OR5D14: variants seen among roughly 807,000 people sequenced by gnomAD.
The protein encoded by OR5D14 is olfactory receptor family 5 subfamily D member 14, also known as olfactory receptor 5D14.
For missense variants in OR5D14, 466 were observed against 375.5 expected, an observed-to-expected ratio of 1.24 and a Z score of -1.99; for synonymous variants, 187 against 138.2, an observed-to-expected ratio of 1.35 and a Z score of -2.48.
chr11:55,795,833 G>C lies in OR5D14; in HGVS notation c.278G>C (p.Ser93Thr). 6.2e-7 allele frequency: 1 copy of C among 1,613,926 alleles called. No homozygotes were observed. The highest frequency in any genetic ancestry group is 1.3e-5 in the African/African-American group (1 of 74,920). The change falls in exon 1 of 1, where the codon AGC (serine) becomes ACC (threonine). Residue 93 changes from serine to threonine, a missense_variant. Physicochemically the swap from Ser to Thr is moderately conservative, Grantham distance 58 (BLOSUM62 1). Coordinates refer to ENST00000335605, the MANE Select transcript of OR5D14 (RefSeq NM_001004735.1). The stretch of plus-strand genomic sequence containing the variant: ...GAGAACTTGGTAATGGCAGATAAAA[G>C]CATCTTCTACTTTAGCTGCATGATG... ...LLENLVMADK[S>T]IFYFSCMMQY...
At position 55,796,370 on chromosome 11, in the gene OR5D14, C is replaced by A. The variant is rs61896310; in HGVS notation, c.815C>A (p.Thr272Lys). The change falls in exon 1 of 1, where the codon ACA (threonine) becomes AAA (lysine). Residue 272 changes from threonine to lysine, a missense_variant. Thr to Lys is a moderately conservative substitution (Grantham distance 78). Transcript: ENST00000335605. ...CCCAACTCCAAAAACTCTCGGCAAACAGTCAAAGTGGCCTCTGTATTTTAC... is the reference window on the plus strand; with the variant it reads ...CCCAACTCCAAAAACTCTCGGCAAAAAGTCAAAGTGGCCTCTGTATTTTAC... ...CVPNSKNSRQTVKVASVFYTV... is the reference protein window; with the variant it reads ...CVPNSKNSRQKVKVASVFYTV... 0.057 allele frequency: 91,402 copies of A among 1,613,610 alleles called. 2,995 individuals are homozygous for A. Among genetic ancestry groups the A allele is most frequent in the Non-Finnish European group, 0.064 (75,662 of 1,179,664 alleles).
In OR5D14 at chr11:55,795,888, G is replaced by A. The variant is rs1853518980; in HGVS notation, c.333G>A (p.Val111=). The part of the protein sequence containing the change: ...MQYFLSCTAV[V]TESFLLAVMA... Reference sequence around the variant, plus strand: ...ACTTCCTGTCCTGCACTGCTGTGGTGACAGAGTCTTTCTTGCTGGCAGTGA... The same window carrying A: ...ACTTCCTGTCCTGCACTGCTGTGGTAACAGAGTCTTTCTTGCTGGCAGTGA... Residue 111 remains valine, a synonymous_variant, in exon 1 of 1, where the codon GTG becomes GTA. Coordinates refer to ENST00000335605, the MANE Select transcript of OR5D14 (RefSeq NM_001004735.1). 6.2e-7 allele frequency: 1 copy of A among 1,613,912 alleles called. No homozygotes were observed. Among genetic ancestry groups the A allele is most frequent in the Non-Finnish European group, 8.5e-7 (1 of 1,179,984 alleles).
rs1452293721 is a variant in OR5D14, at chr11:55,795,899, T to C, written c.344T>C (p.Phe115Ser). The C allele has an allele frequency of 1.2e-6, 2 of 1,613,948 alleles. No individual in the cohort carries two copies. Among genetic ancestry groups the C allele is most frequent in the Admixed American group, 3.3e-5 (2 of 59,974 alleles). ...TGCACTGCTGTGGTGACAGAGTCTT[T>C]CTTGCTGGCAGTGATGGCCTATGAC... Reference protein sequence around the residue: ...LSCTAVVTESFLLAVMAYDRF... With the variant: ...LSCTAVVTESSLLAVMAYDRF... Residue 115 changes from phenylalanine to serine, a missense_variant, in exon 1 of 1, where the codon TTC becomes TCC. Physicochemically the swap from Phe to Ser is radical, Grantham distance 155. Coordinates refer to ENST00000335605, the MANE Select transcript of OR5D14 (RefSeq NM_001004735.1).
rs143217942 is a variant in OR5D14, at chr11:55,796,470, G to A, written c.915G>A (p.Lys305=). Residue 305 remains lysine (K), a synonymous_variant, in exon 1 of 1, where the codon AAG becomes AAA. Transcript: ENST00000335605. ...RNKDVKDAFW[K]LIHTQVPFH ...AAGACGTGAAGGATGCTTTCTGGAA[G>A]TTAATACATACACAAGTTCCATTTC... is the stretch of plus-strand genomic sequence containing the variant. The A allele has an allele frequency of 4.6e-5, 74 of 1,607,402 alleles. No individual in the cohort carries two copies. The highest frequency in any genetic ancestry group is 3.3e-4 in the Middle Eastern group (2 of 6,036).
At position 55,795,759 on chromosome 11, in the gene OR5D14, C is replaced by G; in HGVS notation, c.204C>G (p.Leu68=). ...CTATGTACTTTTTCCTTAGTCACCT[C>G]TCTTTTGTTGATTTTTGTTACTCTT... is the stretch of plus-strand genomic sequence containing the variant. The part of the protein sequence containing the change: ...HTPMYFFLSH[L]SFVDFCYSSI... The change falls in exon 1 of 1, where the codon CTC becomes CTG. Residue 68 remains leucine (L), a synonymous_variant. Coordinates refer to ENST00000335605, the MANE Select transcript of OR5D14 (RefSeq NM_001004735.1). 6.2e-7 allele frequency: 1 copy of G among 1,613,400 alleles called. No homozygotes were observed.
rs1269527773 is a variant in OR5D14 at position 55,795,894 on chromosome 11, G to A, written c.339G>A (p.Glu113=). The A allele has an allele frequency of 4.3e-6, 7 of 1,613,790 alleles. No homozygotes were observed. Among genetic ancestry groups the A allele is most frequent in the African/African-American group, 1.3e-5 (1 of 74,788 alleles). ...YFLSCTAVVT[E]SFLLAVMAYD... ...TGTCCTGCACTGCTGTGGTGACAGA[G>A]TCTTTCTTGCTGGCAGTGATGGCCT... is the stretch of plus-strand genomic sequence containing the variant. Residue 113 remains glutamate (E), a synonymous_variant, in exon 1 of 1, where the codon GAG becomes GAA. Transcript: ENST00000335605.
Position 55,796,137 on chromosome 11 carries a change from A to T in OR5D14, c.582A>T (p.Ile194=). 1 of 1,613,704 alleles carries T rather than the reference A, an allele frequency of 6.2e-7. No individual in the cohort carries two copies. Among genetic ancestry groups the T allele is most frequent in the Non-Finnish European group, 8.5e-7 (1 of 1,179,880 alleles). The change falls in exon 1 of 1, where the codon ATA becomes ATT. Residue 194 remains isoleucine (I), a synonymous_variant. Transcript: ENST00000335605. ...TCATCTCTGTGTCTGGCTCTGATAT[A>T]CTCATCCCCCACCTGCTGCTTTTCA... is the stretch of plus-strand genomic sequence containing the variant. ...TALISVSGSD[I]LIPHLLLFSF...
rs752587625 is a variant in OR5D14, at chr11:55,796,425, G to A, written c.870G>A (p.Leu290=). 4.3e-6 allele frequency: 7 copies of A among 1,613,562 alleles called. No homozygotes were observed. Among genetic ancestry groups the A allele is most frequent in the East Asian group, 2.2e-5 (1 of 44,866 alleles). ...YTVVNPMLNP[L]IYSLRNKDVK... ...TTGTCAACCCCATGCTGAACCCTCT[G>A]ATCTACAGCCTAAGGAATAAAGACG... The change falls in exon 1 of 1, where the codon CTG becomes CTA. Residue 290 remains leucine (L), a synonymous_variant. Coordinates refer to ENST00000335605, the MANE Select transcript of OR5D14 (RefSeq NM_001004735.1).
At position 55,795,912 on chromosome 11, in the gene OR5D14, G is replaced by A. The variant is rs746374264; in HGVS notation, c.357G>A (p.Val119=). Residue 119 remains valine (V), a synonymous_variant, in exon 1 of 1, where the codon GTG becomes GTA. Transcript: ENST00000335605. Reference sequence around the variant, plus strand: ...TGACAGAGTCTTTCTTGCTGGCAGTGATGGCCTATGACCGCTTTGTGGCCA... The same window carrying A: ...TGACAGAGTCTTTCTTGCTGGCAGTAATGGCCTATGACCGCTTTGTGGCCA... ...AVVTESFLLA[V]MAYDRFVAIC... 4.3e-6 allele frequency: 7 copies of A among 1,613,816 alleles called. No individual in the cohort carries two copies. The East Asian group carries it at 1.6e-4, about 36-fold the overall frequency.
In OR5D14 at chr11:55,796,372, G is replaced by A; in HGVS notation, c.817G>A (p.Val273Ile). ...VPNSKNSRQT[V>I]KVASVFYTVV... ...CAACTCCAAAAACTCTCGGCAAACA[G>A]TCAAAGTGGCCTCTGTATTTTACAC... The change falls in exon 1 of 1, where the codon GTC (valine) becomes ATC (isoleucine). Residue 273 changes from valine to isoleucine, a missense_variant. Coordinates refer to ENST00000335605, the MANE Select transcript of OR5D14 (RefSeq NM_001004735.1). 6.2e-7 allele frequency: 1 copy of A among 1,613,832 alleles called. No individual in the cohort carries two copies. The highest frequency in any genetic ancestry group is 8.5e-7 in the Non-Finnish European group (1 of 1,179,894).
Position 55,796,280 on chromosome 11 carries a change from C to A in OR5D14, c.725C>A (p.Thr242Asn). The change falls in exon 1 of 1, where the codon ACC (threonine) becomes AAC (asparagine). Residue 242 changes from threonine (T) to asparagine (N), a missense_variant. Transcript: ENST00000335605. Reference protein sequence around the residue: ...SVSGRHKAFSTWASHLTSITI... With the variant: ...SVSGRHKAFSNWASHLTSITI... Reference sequence around the variant, plus strand: ...AGTGGGCGCCACAAAGCCTTCTCCACCTGGGCCTCCCACCTGACTTCTATC... The same window carrying A: ...AGTGGGCGCCACAAAGCCTTCTCCAACTGGGCCTCCCACCTGACTTCTATC... 1.2e-6 allele frequency: 2 copies of A among 1,613,532 alleles called. No homozygotes were observed. Among genetic ancestry groups the A allele is most frequent in the Non-Finnish European group, 1.7e-6 (2 of 1,179,620 alleles).
At position 55,795,818 on chromosome 11, in the gene OR5D14, T is replaced by C. The variant is rs1205782265; in HGVS notation, c.263T>C (p.Val88Ala). ...IVTPKLLENL[V>A]MADKSIFYFS... is the part of the protein sequence containing the mutation. Reference sequence around the variant, plus strand: ...ACTCCCAAGCTGCTTGAGAACTTGGTAATGGCAGATAAAAGCATCTTCTAC... The same window carrying C: ...ACTCCCAAGCTGCTTGAGAACTTGGCAATGGCAGATAAAAGCATCTTCTAC... Residue 88 changes from valine (V) to alanine (A), a missense_variant, in exon 1 of 1, where the codon GTA (valine) becomes GCA (alanine). Physicochemically the swap from Val to Ala is moderately conservative, Grantham distance 64. Coordinates refer to ENST00000335605, the MANE Select transcript of OR5D14 (RefSeq NM_001004735.1). The C allele has an allele frequency of 6.2e-7, 1 of 1,613,872 alleles. No homozygotes were observed. The highest frequency in any genetic ancestry group is 2.2e-5 in the East Asian group (1 of 44,880).
Position 55,796,005 on chromosome 11 carries a change from A to C in OR5D14, c.450A>C (p.Ser150=). ...TCTGTGCCCTGCTGGTGGCTGGGTCATATCTCTGGGGCATGTTTGGCCCCT... is the reference window on the plus strand; with the variant it reads ...TCTGTGCCCTGCTGGTGGCTGGGTCCTATCTCTGGGGCATGTTTGGCCCCT... The part of the protein sequence containing the change: ...QRLCALLVAG[S]YLWGMFGPLV... Residue 150 remains serine, a synonymous_variant, in exon 1 of 1, where the codon TCA becomes TCC. Coordinates refer to ENST00000335605, the MANE Select transcript of OR5D14 (RefSeq NM_001004735.1). The C allele has an allele frequency of 6.2e-7, 1 of 1,613,824 alleles. No individual in the cohort carries two copies. The highest frequency in any genetic ancestry group is 8.5e-7 in the Non-Finnish European group (1 of 1,179,990).
In OR5D14 at chr11:55,796,452, G is replaced by A; in HGVS notation, c.897G>A (p.Val299=). The A allele has an allele frequency of 6.2e-7, 1 of 1,612,272 alleles. No individual in the cohort carries two copies. Residue 299 remains valine, a synonymous_variant, in exon 1 of 1, where the codon GTG becomes GTA. Transcript: ENST00000335605. ...TCTACAGCCTAAGGAATAAAGACGT[G>A]AAGGATGCTTTCTGGAAGTTAATAC... The part of the protein sequence containing the change: ...PLIYSLRNKD[V]KDAFWKLIHT...
At position 55,795,920 on chromosome 11, in the gene OR5D14, A is replaced by T; in HGVS notation, c.365A>T (p.Tyr122Phe). Residue 122 changes from tyrosine to phenylalanine, a missense_variant, in exon 1 of 1, where the codon TAT (tyrosine) becomes TTT (phenylalanine). Tyr to Phe is a conservative substitution (Grantham distance 22). Coordinates refer to ENST00000335605, the MANE Select transcript of OR5D14 (RefSeq NM_001004735.1). ...TESFLLAVMA[Y>F]DRFVAICNPL... ...TCTTTCTTGCTGGCAGTGATGGCCT[A>T]TGACCGCTTTGTGGCCATCTGCAAT... is the stretch of plus-strand genomic sequence containing the variant. 2 of 1,613,880 alleles carry T rather than the reference A, an allele frequency of 1.2e-6. No homozygotes were observed. The highest frequency in any genetic ancestry group is 1.3e-5 in the African/African-American group (1 of 74,892).
At position 55,796,269 on chromosome 11, in the gene OR5D14, AG is replaced by A; in HGVS notation, c.715del (p.Ala239ProfsTer9). ...TCCGTTCTGTTAGTGGGCGCCACAAAGCCTTCTCCACCTGGGCCTCCCACCT... is the reference window on the plus strand; with the variant it reads ...TCCGTTCTGTTAGTGGGCGCCACAAACCTTCTCCACCTGGGCCTCCCACCT... ...KIRSVSGRHK[A>X]FSTWASHLTS... On this transcript the variant is annotated frameshift_variant, in exon 1 of 1. Coordinates refer to ENST00000335605, the MANE Select transcript of OR5D14 (RefSeq NM_001004735.1). LOFTEE classifies it low-confidence loss of function (END_TRUNC). 1 of 1,613,660 alleles carries A rather than the reference AG, an allele frequency of 6.2e-7. No individual in the cohort carries two copies. Among genetic ancestry groups the A allele is most frequent in the Non-Finnish European group, 8.5e-7 (1 of 1,179,804 alleles).
rs201786123 is a variant in OR5D14, at chr11:55,796,427, T to C, written c.872T>C (p.Ile291Thr). The change falls in exon 1 of 1, where the codon ATC becomes ACC. Residue 291 changes from isoleucine to threonine, a missense_variant. Ile to Thr is a moderately conservative substitution (Grantham distance 89, BLOSUM62 -1). Transcript: ENST00000335605. Reference sequence around the variant, plus strand: ...GTCAACCCCATGCTGAACCCTCTGATCTACAGCCTAAGGAATAAAGACGTG... The same window carrying C: ...GTCAACCCCATGCTGAACCCTCTGACCTACAGCCTAAGGAATAAAGACGTG... ...TVVNPMLNPL[I>T]YSLRNKDVKD... 1.3e-4 allele frequency: 217 copies of C among 1,613,564 alleles called. No individual in the cohort carries two copies. Among genetic ancestry groups the C allele is most frequent in the Non-Finnish European group, 1.7e-4 (205 of 1,179,848 alleles).
Position 55,795,732 on chromosome 11 carries a change from T to C in OR5D14, c.177T>C (p.Thr59=), listed in dbSNP as rs1264691034. Residue 59 remains threonine (T), a synonymous_variant, in exon 1 of 1, where the codon ACT becomes ACC. Coordinates refer to ENST00000335605, the MANE Select transcript of OR5D14 (RefSeq NM_001004735.1). The part of the protein sequence containing the change: ...IIIKINPKFH[T]PMYFFLSHLS... Reference sequence around the variant, plus strand: ...TCAAGATTAACCCCAAATTTCACACTCCTATGTACTTTTTCCTTAGTCACC... The same window carrying C: ...TCAAGATTAACCCCAAATTTCACACCCCTATGTACTTTTTCCTTAGTCACC... 10 of 1,613,404 alleles carry C rather than the reference T, an allele frequency of 6.2e-6. No individual in the cohort carries two copies. Among genetic ancestry groups the C allele is most frequent in the Non-Finnish European group, 8.5e-6 (10 of 1,179,604 alleles).
rs1853521083 is a variant in OR5D14, at chr11:55,796,017, C to T, written c.462C>T (p.Gly154=). The change falls in exon 1 of 1, where the codon GGC becomes GGT. Residue 154 remains glycine, a synonymous_variant. Coordinates refer to ENST00000335605, the MANE Select transcript of OR5D14 (RefSeq NM_001004735.1). ...TGGTGGCTGGGTCATATCTCTGGGG[C>T]ATGTTTGGCCCCTTGGTACTCCTTT... ...ALLVAGSYLW[G]MFGPLVLLCY... 7 of 1,613,856 alleles carry T rather than the reference C, an allele frequency of 4.3e-6. No homozygotes were observed. The East Asian group carries it at 1.3e-4, about 31-fold the overall frequency.
Sources: allele counts gnomAD v4.1 joint callset, GRCh38; gene constraint gnomAD v4.1.1; transcripts MANE v1.5; gene names NCBI Gene and HGNC (gene_info 2026-07-23, HGNC 2026-07-21).